DNAI4: variants seen among roughly 807,000 people sequenced by gnomAD.
The protein encoded by DNAI4 is dynein axonemal intermediate chain 4.
Under a neutral mutation model 105.8 loss-of-function variants are expected in DNAI4, and 85 were observed. The ratio of observed to expected loss-of-function variants is 0.80; its 90% CI spans 0.67 to 0.96. The LOEUF (loss-of-function observed/expected upper bound fraction) is 0.96, where lower values mean the gene tolerates loss of function less well. Among genes scored for constraint, DNAI4 ranks in the 40% least tolerant of loss-of-function variants. The pLI is 0.00. For missense variants in DNAI4, 1,014 were observed against 1,005.6 expected, an observed-to-expected ratio of 1.01 and a Z score of -0.11; for synonymous variants, 352 against 331.5, an observed-to-expected ratio of 1.06 and a Z score of -0.67.
intron 13 of DNAI4, among the ~76,000 whole-genome samples, 188 bp downstream of exon 13, chr1:66,833,397 C>T (rs1645909875): frequency 6.6e-6 from 1 of 152,000 alleles, no homozygotes; most frequent in African/African-American, 2.4e-5. Context: ...CCTATTTTTC[C>T]CTCCCTCCTC....
intron 3 of DNAI4, 69 bp downstream of exon 3, chr1:66,893,160 C>A: frequency 1.2e-6 from 1 of 824,012 alleles, no homozygotes; most frequent in Non-Finnish European, 1.7e-6. Flanking sequence ...CTAAGATACA[C>A]ATTTGCAATT....
chr1:66,830,794 TAAATAAATAAAATA>T (rs1175068363), intron 13 of DNAI4, among the ~76,000 whole-genome samples: 59 of 147,532 alleles, frequency 4.0e-4, no homozygotes, highest in African/African-American at 1.4e-3. Context: ...AAAAAATAAA[TAAATAAATAAAATA>T]AAATAAATAA....
At chr1:66,893,090 AAAG>A (rs1647958893) in intron 3 of DNAI4, 136 bp downstream of exon 3, 2 of 417,878 alleles carry the variant, frequency 4.8e-6, no homozygotes, top group East Asian at 3.6e-5. Context: ...AGAAAGAAAG[AAAG>A]AAAGAAAGAA....
At chr1:66,848,928 C>G (rs1371374067) in intron 7 of DNAI4, among the ~76,000 whole-genome samples, 1 of 152,208 alleles carries the variant, frequency 6.6e-6, no homozygotes, top group Non-Finnish European at 1.5e-5. Context: ...GTCTTACACC[C>G]TCACTAGGCT....
chr1:66,865,722 T>C (rs896113663), intron 6 of DNAI4, among the ~76,000 whole-genome samples: 1 of 152,160 alleles, frequency 6.6e-6, no homozygotes, highest in African/African-American at 2.4e-5. Context: ...TTTCTGCAAG[T>C]GGACAGACTT....
chr1:66,832,627 A>T (rs994520598), intron 13 of DNAI4, among the ~76,000 whole-genome samples: 1 of 152,180 alleles, frequency 6.6e-6, no homozygotes, highest in African/African-American at 2.4e-5. Context: ...ACTATAGTCA[A>T]TAATAATTTA....
intron 7 of DNAI4, among the ~76,000 whole-genome samples, chr1:66,853,881 A>T (rs953729624): frequency 6.6e-6 from 1 of 152,222 alleles, no homozygotes; most frequent in African/African-American, 2.4e-5. Flanking sequence ...AATAAAGCCA[A>T]AAAAAGGAAA....
intron 6 of DNAI4, among the ~76,000 whole-genome samples, chr1:66,869,318 A>C (rs1240234460): frequency 6.6e-6 from 1 of 151,634 alleles, no homozygotes; most frequent in Non-Finnish European, 1.5e-5. Flanking sequence ...CTTCTTGGGG[A>C]GTGTTGATAA....
chr1:66,892,751 C>T (rs1647767813), intron 3 of DNAI4, among the ~76,000 whole-genome samples: 1 of 151,404 alleles, frequency 6.6e-6, no homozygotes, highest in African/African-American at 2.4e-5. Flanking sequence ...ATTAAAAATA[C>T]AAAAAATTAG....
intron 1 of DNAI4, among the ~76,000 whole-genome samples, chr1:66,905,893 G>C (rs894333123): frequency 6.7e-6 from 1 of 149,484 alleles, no homozygotes; most frequent in African/African-American, 2.5e-5. Flanking sequence ...AAAGAATAGC[G>C]TGTTCCTTCC....
rs1646132437 is a variant in DNAI4, at chr1:66,840,740, A to G, written c.1292-69T>C. On this transcript the variant is annotated intron_variant, in intron 8 of 16. Coordinates refer to ENST00000371026, the MANE Select transcript of DNAI4 (RefSeq NM_024763.5). ...TAGGGACCTGCCAAAGGCTCCAAAC[A>G]GCATATCTACCCACCACTGACACTT... 4.0e-6 allele frequency: 6 copies of G among 1,505,464 alleles called. No homozygotes were observed. The South Asian group carries it at 6.8e-5, about 17-fold the overall frequency. 93.3% of individuals were successfully genotyped at this position (1,505,464 alleles called of 1,614,324 possible). A position where few individuals can be genotyped will look rare whatever the true frequency, so the allele number is the denominator to read the frequency against.
chr1:66,895,804 T>G (rs1310867550), intron 2 of DNAI4, among the ~76,000 whole-genome samples: 4 of 152,222 alleles, frequency 2.6e-5, no homozygotes, highest in Non-Finnish European at 2.9e-5. Context: ...AATGATCATA[T>G]GCTTTTTTAC....
chr1:66,837,687 C>A, intron 10 of DNAI4, 23 bp downstream of exon 10: 2 of 1,591,020 alleles, frequency 1.3e-6, no homozygotes, highest in South Asian at 1.2e-5. Context: ...GATAAAAATG[C>A]TTCTTATTCT....
chr1:66,880,769 A>T (rs762771569), intron 4 of DNAI4, among the ~76,000 whole-genome samples: 3 of 152,234 alleles, frequency 2.0e-5, no homozygotes, highest in Non-Finnish European at 4.4e-5. Flanking sequence ...TGGATAAGTA[A>T]TGAGAAGCCA....
At chr1:66,823,370 C>T (rs969316419) in intron 15 of DNAI4, among the ~76,000 whole-genome samples, 8 of 152,132 alleles carry the variant, frequency 5.3e-5, no homozygotes, top group African/African-American at 1.7e-4. Context: ...AATAAACATG[C>T]GTGTGCATGT....
At chr1:66,892,294 G>T (rs1461854257) in intron 3 of DNAI4, among the ~76,000 whole-genome samples, 1 of 152,076 alleles carries the variant, frequency 6.6e-6, no homozygotes, top group Non-Finnish European at 1.5e-5. Flanking sequence ...AAGCATAATT[G>T]CTGTGTATTA....
At chr1:66,884,226 A>G (rs1479619836) in intron 4 of DNAI4, among the ~76,000 whole-genome samples, 2 of 152,182 alleles carry the variant, frequency 1.3e-5, no homozygotes, top group East Asian at 3.8e-4. Flanking sequence ...TTATCCATTC[A>G]TCTGTTGATG....
intron 15 of DNAI4, among the ~76,000 whole-genome samples, chr1:66,825,589 T>A (rs1174583652): frequency 6.6e-6 from 1 of 152,234 alleles, no homozygotes; most frequent in Non-Finnish European, 1.5e-5. Flanking sequence ...TAAAGCAATC[T>A]ACCTAGTGTC....
At chr1:66,873,843 C>A (rs977450423) in intron 5 of DNAI4, among the ~76,000 whole-genome samples, 7 of 149,436 alleles carry the variant, frequency 4.7e-5, no homozygotes, top group Non-Finnish European at 1.0e-4. Context: ...TTTCTTTTTT[C>A]CCTCTTTCCT....
Sources: gnomAD v4.1 joint callset for allele counts (sites outside exome capture counted in the v4.1 genomes callset) on GRCh38, gnomAD v4.1.1 for gene constraint, MANE v1.5 for transcripts, NCBI Gene and HGNC (gene_info 2026-07-23, HGNC 2026-07-21) for gene names.